DGKB: variants seen among roughly 807,000 people sequenced by gnomAD.
The protein encoded by DGKB is 90 kDa diacylglycerol kinase.
DGKB carries 67 observed loss-of-function variants against 114.3 expected under a neutral mutation model. The ratio of observed to expected loss-of-function variants is 0.59; its 90% CI spans 0.48 to 0.72. DGKB has a LOEUF of 0.72. Ranked by LOEUF, DGKB falls within the 30% of genes least tolerant of loss-of-function variation. DGKB has a pLI of 0.00. For synonymous variants in DGKB, 398 were observed against 323.1 expected (o/e 1.23, Z -2.49); for missense variants, 907 against 975.2 (o/e 0.93, Z 0.93).
At chr7:14,435,791 T>G (rs1362607826) in intron 21 of DGKB, among the ~76,000 whole-genome samples, 1 of 152,112 alleles carries the variant, frequency 6.6e-6, no homozygotes, top group Non-Finnish European at 1.5e-5. Flanking sequence ...TATTTAAATT[T>G]CTATTATAAA....
In DGKB at chr7:14,664,768, C is replaced by G. The variant is rs143600786; in HGVS notation, c.1134+8161G>C. Among the ~76,000 whole-genome samples the G allele has an allele frequency of 3.0e-3, 459 of 152,056 alleles. 2 individuals are homozygous for G. Among genetic ancestry groups the G allele is most frequent in the African/African-American group, 0.01 (419 of 41,512 alleles). ...CCTGTAAGTGAGTATGTATCACACC[C>G]TAATATTTAACCTCTTTGGATGCTT... On this transcript the variant is annotated intron_variant, in intron 13 of 25. Transcript: ENST00000402815.
intron 20 of DGKB, among the ~76,000 whole-genome samples, chr7:14,546,463 T>A (rs1364188139): frequency 6.6e-6 from 1 of 152,202 alleles, no homozygotes; most frequent in African/African-American, 2.4e-5. Context: ...AGGGCTGGCT[T>A]CATGGGCATG....
At chr7:14,501,954 A>C (rs1786251005) in intron 20 of DGKB, among the ~76,000 whole-genome samples, 1 of 151,940 alleles carries the variant, frequency 6.6e-6, no homozygotes. Flanking sequence ...GGGTCTTGGA[A>C]GATGGTGAGT....
At chr7:14,189,770 A>G (rs947941232) in intron 23 of DGKB, among the ~76,000 whole-genome samples, 5 of 152,224 alleles carry the variant, frequency 3.3e-5, no homozygotes, top group Admixed American at 3.3e-4. Context: ...ATATCAGATA[A>G]AAGATATTTT....
At chr7:14,278,510 T>C (rs991181767) in intron 23 of DGKB, among the ~76,000 whole-genome samples, 2 of 152,158 alleles carry the variant, frequency 1.3e-5, no homozygotes, top group Admixed American at 1.3e-4. Context: ...ACTAAACACT[T>C]AAACACAAGA....
intron 23 of DGKB, among the ~76,000 whole-genome samples, chr7:14,182,990 C>A (rs1043682713): frequency 3.3e-5 from 5 of 152,136 alleles, no homozygotes; most frequent in African/African-American, 1.2e-4. Flanking sequence ...TGTCAGAGGC[C>A]ATGTGGAGGT....
intron 5 of DGKB, among the ~76,000 whole-genome samples, chr7:14,727,017 A>G (rs1034581975): frequency 1.3e-5 from 2 of 152,196 alleles, no homozygotes; most frequent in African/African-American, 2.4e-5. Context: ...GTTATGATGG[A>G]TTTGGGCCTC....
At chr7:14,738,173 T>C (rs770846552) in intron 4 of DGKB, among the ~76,000 whole-genome samples, 46 of 152,358 alleles carry the variant, frequency 3.0e-4, no homozygotes, top group Non-Finnish European at 2.2e-4. Flanking sequence ...CCACATTCAT[T>C]TGGGTGAGTG....
At chr7:14,305,384 G>A (rs147676834) in intron 23 of DGKB, among the ~76,000 whole-genome samples, 234 of 152,150 alleles carry the variant, frequency 1.5e-3, no homozygotes, top group African/African-American at 5.4e-3. Flanking sequence ...TGTGATATAC[G>A]TCTTTCCGTG....
At chr7:14,945,200 T>C (rs961717527) in intron 1 of DGKB, among the ~76,000 whole-genome samples, 3 of 151,736 alleles carry the variant, frequency 2.0e-5, no homozygotes, top group African/African-American at 4.8e-5. Context: ...CAGGTATAAG[T>C]CTTCACAGGC....
chr7:14,735,633 A>G (rs867327330), intron 5 of DGKB, among the ~76,000 whole-genome samples: 7 of 152,208 alleles, frequency 4.6e-5, no homozygotes, highest in Middle Eastern at 3.2e-3. Flanking sequence ...TGAGCTTACA[A>G]ATCTAAACAT....
intron 1 of DGKB, among the ~76,000 whole-genome samples, chr7:14,938,432 A>G (rs1198884842): frequency 6.6e-6 from 1 of 152,202 alleles, no homozygotes; most frequent in Admixed American, 6.5e-5. Flanking sequence ...ATAAATAAAG[A>G]AAACTTTCAG....
intron 21 of DGKB, among the ~76,000 whole-genome samples, chr7:14,410,741 G>T (rs937897025): frequency 4.3e-4 from 65 of 151,942 alleles, no homozygotes; most frequent in Non-Finnish European, 3.7e-4. Flanking sequence ...ATATCTTTAA[G>T]ATAAAAAGAG....
intron 2 of DGKB, among the ~76,000 whole-genome samples, chr7:14,821,864 T>C (rs946485428): frequency 6.6e-6 from 1 of 152,156 alleles, no homozygotes; most frequent in Non-Finnish European, 1.5e-5. Context: ...GAAAGACTGG[T>C]GACTGAGCTT....
intron 9 of DGKB, among the ~76,000 whole-genome samples, chr7:14,689,191 C>T (rs939274550): frequency 3.0e-5 from 3 of 100,992 alleles, no homozygotes; most frequent in Non-Finnish European, 6.4e-5. Context: ...GTGACAGAAA[C>T]TCCTCTTATT....
At chr7:14,890,991 TTGAG>T (rs1361974115) in intron 1 of DGKB, among the ~76,000 whole-genome samples, 5 of 151,590 alleles carry the variant, frequency 3.3e-5, no homozygotes, top group South Asian at 2.1e-4. Context: ...AATAACATTA[TTGAG>T]TATTATCTCC....
chr7:14,372,936 C>T (rs1817904045), intron 21 of DGKB, among the ~76,000 whole-genome samples: 1 of 152,160 alleles, frequency 6.6e-6, no homozygotes, highest in African/African-American at 2.4e-5. Context: ...TTTTCCCCTT[C>T]TGGGAGCAAG....
chr7:14,245,167 TACACACACAC>T (rs111929500), intron 23 of DGKB, among the ~76,000 whole-genome samples: 2 of 149,232 alleles, frequency 1.3e-5, no homozygotes, highest in African/African-American at 4.9e-5. Context: ...TATGTACACA[TACACACACAC>T]ACACACACGC....
chr7:14,805,536 G>C (rs1325349373), intron 2 of DGKB, among the ~76,000 whole-genome samples: 12 of 151,986 alleles, frequency 7.9e-5, no homozygotes, highest in Admixed American at 6.6e-4. Flanking sequence ...TGGATTTAAA[G>C]CAACTGAAGC....
Sources: gnomAD v4.1 joint callset for allele counts (sites outside exome capture counted in the v4.1 genomes callset) on GRCh38, gnomAD v4.1.1 for gene constraint, MANE v1.5 for transcripts, NCBI Gene and HGNC (gene_info 2026-07-23, HGNC 2026-07-21) for gene names.